The following KCNB2 variants were observed in gnomAD, a reference collection of about 807,000 sequenced individuals.
KCNB2 encodes potassium voltage-gated channel subfamily B member 2.
Under a neutral mutation model 61.5 loss-of-function variants are expected in KCNB2, and 15 were observed. The ratio of observed to expected loss-of-function variants is 0.24; its 90% CI spans 0.16 to 0.38. The LOEUF (loss-of-function observed/expected upper bound fraction) is 0.38, where lower values mean the gene tolerates loss of function less well. KCNB2 is among the 10% of genes least tolerant of loss of function. KCNB2 has a pLI of 1.00. For synonymous variants in KCNB2, 457 were observed against 446.0 expected, an observed-to-expected ratio of 1.02 and a Z score of -0.31; for missense variants, 828 against 1,125.2, an observed-to-expected ratio of 0.74 and a Z score of 3.78.
intron 2 of KCNB2, among the ~76,000 whole-genome samples, chr8:72,868,926 G>C (rs1267590337): frequency 2.0e-5 from 3 of 152,068 alleles, no homozygotes; most frequent in African/African-American, 7.2e-5. Flanking sequence ...CCTTCAACAG[G>C]AAAGTCTCTT....
chr8:72,809,936 A>G (rs1360529825), intron 2 of KCNB2, among the ~76,000 whole-genome samples: 1 of 152,120 alleles, frequency 6.6e-6, no homozygotes, highest in Non-Finnish European at 1.5e-5. Flanking sequence ...CCATCACTCT[A>G]ACTATAATTA....
chr8:72,702,931 C>T (rs1807158191), intron 2 of KCNB2, among the ~76,000 whole-genome samples: 3 of 152,194 alleles, frequency 2.0e-5, no homozygotes. Flanking sequence ...TGCACTGCGT[C>T]TGCACTACCC....
intron 2 of KCNB2, among the ~76,000 whole-genome samples, chr8:72,706,005 C>G (rs1384121736): frequency 2.0e-5 from 3 of 152,176 alleles, no homozygotes; most frequent in East Asian, 1.9e-4. Flanking sequence ...AAGGCCCATT[C>G]CTAGATCTGA....
rs184478012 is a variant in KCNB2, at chr8:72,806,172, A to G, written c.580-129763A>G. On this transcript the variant is annotated intron_variant, in intron 2 of 2. Transcript: ENST00000523207. ...CAGGAGTTCAAGACCAGCCTGGCCA[A>G]CATGGTGGAAACCCATCTCTACTAA... 1.5e-3 allele frequency among the ~76,000 whole-genome samples: 228 copies of G among 152,228 alleles called. 1 individual carries two copies. Among genetic ancestry groups the G allele is most frequent in the Middle Eastern group, 6.8e-3 (2 of 294 alleles).
At chr8:72,744,941 G>A (rs1808032552) in intron 2 of KCNB2, among the ~76,000 whole-genome samples, 1 of 152,208 alleles carries the variant, frequency 6.6e-6, no homozygotes, top group African/African-American at 2.4e-5. Context: ...TGGATCCTGT[G>A]TGTCTTGTCC....
At chr8:72,834,553 ATT>A (rs910907582) in intron 2 of KCNB2, among the ~76,000 whole-genome samples, 4 of 152,074 alleles carry the variant, frequency 2.6e-5, no homozygotes, top group African/African-American at 9.7e-5. Context: ...CCAAACCAAA[ATT>A]CCTTGCTGGA....
rs554228154 is a variant in KCNB2, at chr8:72,615,208, C to T, written c.579+46895C>T. ...GATACATCATTTGTTTTCTCTGAAT[C>T]TAGGTTCCCTTATCTCCAAAATGAA... On this transcript the variant is annotated intron_variant, in intron 2 of 2. Transcript: ENST00000523207. 2.0e-5 allele frequency among the ~76,000 whole-genome samples: 3 copies of T among 152,352 alleles called. No homozygotes were observed. In the South Asian group the frequency reaches 6.2e-4, roughly 32 times the overall value.
At chr8:72,780,622 T>C (rs894071966) in intron 2 of KCNB2, among the ~76,000 whole-genome samples, 4 of 152,240 alleles carry the variant, frequency 2.6e-5, no homozygotes, top group African/African-American at 7.2e-5. Context: ...TAGTCTATCA[T>C]TGATGGGCAC....
intron 2 of KCNB2, among the ~76,000 whole-genome samples, chr8:72,780,002 G>A (rs1237789327): frequency 6.6e-6 from 1 of 152,096 alleles, no homozygotes; most frequent in Non-Finnish European, 1.5e-5. Flanking sequence ...TTTATTCTGG[G>A]TGGTTGCTCC....
At chr8:72,909,272 G>A (rs757410873) in intron 2 of KCNB2, among the ~76,000 whole-genome samples, 3 of 152,152 alleles carry the variant, frequency 2.0e-5, no homozygotes, top group Non-Finnish European at 4.4e-5. Context: ...GCTCTAAGAT[G>A]TCAACCCAAT....
At chr8:72,569,721 T>TA (rs1806681785) in intron 2 of KCNB2, among the ~76,000 whole-genome samples, 1 of 152,144 alleles carries the variant, frequency 6.6e-6, no homozygotes, top group South Asian at 2.1e-4. Flanking sequence ...ATACTCGAGT[T>TA]ACTACAAAAA....
chr8:72,544,555 G>A (rs561259976), intron 1 of KCNB2, among the ~76,000 whole-genome samples: 3 of 152,262 alleles, frequency 2.0e-5, no homozygotes, highest in East Asian at 3.9e-4. Context: ...CAGGAATGGC[G>A]AAGAAGGGGA....
intron 2 of KCNB2, among the ~76,000 whole-genome samples, chr8:72,687,620 C>T (rs1277359479): frequency 2.0e-5 from 3 of 152,112 alleles, no homozygotes; most frequent in Non-Finnish European, 4.4e-5. Context: ...AACCCTAAGG[C>T]CACAAACTCA....
At position 72,937,953 on chromosome 8, in the gene KCNB2, C is replaced by G. The variant is rs753271974; in HGVS notation, c.2598C>G (p.Asp866Glu). ...PQDTGHNCRQ[D>E]IYHAVSEVKK... ...ACACAGGTCACAACTGTAGGCAAGA[C>G]ATTTACCATGCTGTGAGTGAAGTCA... Residue 866 changes from aspartate (D) to glutamate (E), a missense_variant, in exon 3 of 3, where the codon GAC (aspartate) becomes GAG (glutamate). This residue lies in a region of KCNB2 where 559 missense variants were observed against 588.4 expected (regional missense o/e 0.95). Coordinates refer to ENST00000523207, the MANE Select transcript of KCNB2 (RefSeq NM_004770.3). 1 of 1,614,078 alleles carries G rather than the reference C, an allele frequency of 6.2e-7. No individual in the cohort carries two copies. Among genetic ancestry groups the G allele is most frequent in the Non-Finnish European group, 8.5e-7 (1 of 1,180,008 alleles).
At chr8:72,539,228 G>C (rs557405291) in intron 1 of KCNB2, among the ~76,000 whole-genome samples, 1 of 152,078 alleles carries the variant, frequency 6.6e-6, no homozygotes, top group African/African-American at 2.4e-5. Context: ...ATGTGTATGC[G>C]CATTTAATTG....
At chr8:72,713,570 C>T (rs1807364730) in intron 2 of KCNB2, among the ~76,000 whole-genome samples, 2 of 152,184 alleles carry the variant, frequency 1.3e-5, no homozygotes, top group South Asian at 4.1e-4. Context: ...GGACCTCCAG[C>T]AAACTCCAAC....
In KCNB2 at chr8:72,835,469, T is replaced by C. The variant is rs575547990; in HGVS notation, c.580-100466T>C. Among the ~76,000 whole-genome samples, 10 of 152,272 alleles carry C rather than the reference T, an allele frequency of 6.6e-5. No homozygotes were observed. In the South Asian group the frequency reaches 2.1e-3, roughly 32 times the overall value. ...GGAATCATGTTTTCTTTATTACAAC[T>C]CTGGCAGGATAACCTATAAGTGAAT... On this transcript the variant is annotated intron_variant, in intron 2 of 2. Coordinates refer to ENST00000523207, the MANE Select transcript of KCNB2 (RefSeq NM_004770.3).
At chr8:72,761,204 C>T (rs1276208355) in intron 2 of KCNB2, among the ~76,000 whole-genome samples, 1 of 152,244 alleles carries the variant, frequency 6.6e-6, no homozygotes, top group African/African-American at 2.4e-5. Flanking sequence ...GGAGATGCTG[C>T]CCCACTCTCT....
At chr8:72,930,090 G>A (rs187602387) in intron 2 of KCNB2, among the ~76,000 whole-genome samples, 296 of 151,568 alleles carry the variant, frequency 2.0e-3, no homozygotes, top group African/African-American at 5.7e-3. Flanking sequence ...GAGAATGATC[G>A]TTTCCAGCTT....
Sources: gnomAD v4.1 joint callset for allele counts (sites outside exome capture counted in the v4.1 genomes callset) on GRCh38, gnomAD v4.1.1 for gene constraint, gnomAD v4.1.1 regional missense constraint, MANE v1.5 for transcripts, NCBI Gene and HGNC (gene_info 2026-07-23, HGNC 2026-07-21) for gene names.